CDK5RAP2: variants seen among roughly 807,000 people sequenced by gnomAD.
CDK5RAP2 encodes CDK5 regulatory subunit-associated protein 2.
CDK5RAP2 carries 147 observed loss-of-function variants against 232.9 expected under a neutral mutation model. The ratio of observed to expected loss-of-function variants is 0.63; its 90% CI spans 0.55 to 0.72. The LOEUF is 0.72. CDK5RAP2 is among the 30% of genes least tolerant of loss of function. The pLI is 0.00. For missense variants in CDK5RAP2, 2,195 were observed against 2,231.5 expected, an observed-to-expected ratio of 0.98 and a Z score of 0.33; for synonymous variants, 833 against 833.7, an observed-to-expected ratio of 1.00 and a Z score of 0.01.
intron 6 of CDK5RAP2, among the ~76,000 whole-genome samples, chr9:120,537,703 AAAAG>A (rs943573445): frequency 3.9e-5 from 6 of 152,270 alleles, no homozygotes; most frequent in Non-Finnish European, 7.4e-5. Context: ...AAAAAAAAAA[AAAAG>A]AAAGAATGAA....
intron 18 of CDK5RAP2, among the ~76,000 whole-genome samples, chr9:120,464,241 T>C (rs560728485): frequency 6.6e-6 from 1 of 152,224 alleles, no homozygotes; most frequent in South Asian, 2.1e-4. Flanking sequence ...GCAGCTCCTC[T>C]TCCTCCTCCA....
intron 36 of CDK5RAP2, among the ~76,000 whole-genome samples, chr9:120,391,334 C>T (rs1241661045): frequency 6.6e-6 from 1 of 152,160 alleles, no homozygotes; most frequent in Non-Finnish European, 1.5e-5. Context: ...CAGAAATCCC[C>T]ACTGCAAGGA....
intron 17 of CDK5RAP2, 99 bp from the exon 18 acceptor site, chr9:120,468,096 AC>A: frequency 8.5e-7 from 1 of 1,180,464 alleles, no homozygotes; most frequent in Non-Finnish European, 1.3e-6. Flanking sequence ...ACTCTTTGGC[AC>A]CACAGTTACG....
At chr9:120,573,405 C>T (rs983004896) in intron 1 of CDK5RAP2, among the ~76,000 whole-genome samples, 6 of 151,882 alleles carry the variant, frequency 4.0e-5, no homozygotes, top group African/African-American at 1.5e-4. Context: ...AAAAATTAGC[C>T]GGGCATTGTG....
rs1277941920 is a variant in CDK5RAP2, at chr9:120,580,154, C to T, written c.-176G>A. 1 of 583,972 alleles carries T rather than the reference C, an allele frequency of 1.7e-6. No homozygotes were observed. The highest frequency in any genetic ancestry group is 3.1e-6 in the Non-Finnish European group (1 of 323,272). The allele number at this position is 583,972 out of a possible 1,614,324, so 36.2% of individuals were successfully genotyped here. ...GACGCCGCCATCTTTCCCGGCGCTT[C>T]TTCCTACGGAAACGAGGCGGGGTCA... On this transcript the variant is annotated 5_prime_UTR_variant, in exon 1 of 38. Coordinates refer to ENST00000349780, the MANE Select transcript of CDK5RAP2 (RefSeq NM_018249.6).
At chr9:120,559,478 G>A in intron 3 of CDK5RAP2, among the ~76,000 whole-genome samples, 1 of 110,830 alleles carries the variant, frequency 9.0e-6, no homozygotes, top group East Asian at 2.9e-4. Flanking sequence ...CACAGAGCAA[G>A]ACTCTGTCTC....
At chr9:120,411,332 C>G (rs200738752) in intron 29 of CDK5RAP2, 26 bp downstream of exon 29, 173 of 1,383,302 alleles carry the variant, frequency 1.3e-4, no homozygotes, top group Non-Finnish European at 1.8e-4. Context: ...GCGTTCCAGA[C>G]TTCCAGTGAC....
At chr9:120,470,354 A>AT (rs554189030) in intron 16 of CDK5RAP2, 134 bp from the exon 17 acceptor site, 201 of 595,762 alleles carry the variant, frequency 3.4e-4, no homozygotes, top group Non-Finnish European at 5.6e-4. Flanking sequence ...GGAAGGGAGC[A>AT]TAGTACACAG....
chr9:120,529,877 C>G, intron 8 of CDK5RAP2, 101 bp downstream of exon 8: 1 of 1,125,432 alleles, frequency 8.9e-7, no homozygotes, highest in Non-Finnish European at 1.3e-6. Flanking sequence ...TATTTAGAAG[C>G]AGGCTGTGTG....
rs975819096 is a variant in CDK5RAP2, at chr9:120,409,151, C to A, written c.4580G>T (p.Arg1527Leu). 6.2e-7 allele frequency: 1 copy of A among 1,612,440 alleles called. No homozygotes were observed. Residue 1527 changes from arginine to leucine, a missense_variant, in exon 30 of 38, where the codon CGC becomes CTC. By Grantham distance (102) the Arg-to-Leu change is moderately radical (BLOSUM62 -2). Transcript: ENST00000349780. Reference sequence around the variant, plus strand: ...CCTGCTCAGCTCCTGGCCGCTGCAGCGGACCTCCTGGATCAGCTGCTGGTT... The same window carrying A: ...CCTGCTCAGCTCCTGGCCGCTGCAGAGGACCTCCTGGATCAGCTGCTGGTT... ...RHNQQLIQEV[R>L]CSGQELSRVQ...
intron 3 of CDK5RAP2, among the ~76,000 whole-genome samples, chr9:120,551,536 A>G (rs2042041387): frequency 6.6e-6 from 1 of 152,212 alleles, no homozygotes; most frequent in Non-Finnish European, 1.5e-5. Flanking sequence ...ATTCCATCCA[A>G]AGTGCTTCTG....
At chr9:120,499,572 T>C (rs2039479937) in intron 12 of CDK5RAP2, among the ~76,000 whole-genome samples, 1 of 152,190 alleles carries the variant, frequency 6.6e-6, no homozygotes. Flanking sequence ...AATTTTTTTC[T>C]TGGGCAAAAA....
At chr9:120,545,208 G>T (rs951221348) in intron 5 of CDK5RAP2, among the ~76,000 whole-genome samples, 3 of 152,038 alleles carry the variant, frequency 2.0e-5, no homozygotes, top group African/African-American at 7.3e-5. Context: ...ACCCCTTCAA[G>T]TCACCCCAGG....
intron 5 of CDK5RAP2, among the ~76,000 whole-genome samples, chr9:120,539,519 C>T (rs113959925): frequency 6.6e-6 from 1 of 152,152 alleles, no homozygotes; most frequent in Non-Finnish European, 1.5e-5. Flanking sequence ...TTTTTAAAGG[C>T]TGCATATTAA....
chr9:120,492,465 G>A (rs2038956988), intron 12 of CDK5RAP2, among the ~76,000 whole-genome samples: 1 of 152,126 alleles, frequency 6.6e-6, no homozygotes, highest in Admixed American at 6.6e-5. Context: ...GACAAAGATA[G>A]AAACTAAAAC....
intron 19 of CDK5RAP2, 59 bp downstream of exon 19, chr9:120,460,513 G>C: frequency 6.6e-7 from 1 of 1,511,298 alleles, no homozygotes; most frequent in Non-Finnish European, 9.2e-7. Flanking sequence ...CAGACTCGAA[G>C]ACTGATTTGG....
At chr9:120,423,060 A>G (rs2034664497) in intron 25 of CDK5RAP2, among the ~76,000 whole-genome samples, 1 of 152,222 alleles carries the variant, frequency 6.6e-6, no homozygotes, top group African/African-American at 2.4e-5. Flanking sequence ...AAAATGGGTA[A>G]CGGAATCAAA....
chr9:120,512,634 A>G (rs766348287), intron 12 of CDK5RAP2, among the ~76,000 whole-genome samples: 5 of 152,206 alleles, frequency 3.3e-5, no homozygotes, highest in Non-Finnish European at 5.9e-5. Flanking sequence ...TATTCTCAAC[A>G]TAATTACTGA....
intron 7 of CDK5RAP2, among the ~76,000 whole-genome samples, chr9:120,534,996 A>T (rs1399820136): frequency 5.3e-5 from 8 of 152,212 alleles, no homozygotes; most frequent in African/African-American, 1.9e-4. Context: ...GCTCAGTAGG[A>T]GGGCACTTCC....
Sources: gnomAD v4.1 joint callset for allele counts (sites outside exome capture counted in the v4.1 genomes callset) on GRCh38, gnomAD v4.1.1 for gene constraint, MANE v1.5 for transcripts, NCBI Gene and HGNC (gene_info 2026-07-23, HGNC 2026-07-21) for gene names.